PDPR: variants seen among roughly 807,000 people sequenced by gnomAD.
PDPR encodes the protein pyruvate dehydrogenase phosphatase regulatory subunit, mitochondrial.
PDPR carries 50 observed loss-of-function variants against 102.2 expected under a neutral mutation model. The ratio of observed to expected loss-of-function variants is 0.49; its 90% confidence interval spans 0.39 to 0.62. The LOEUF is 0.62. Among genes scored for constraint, PDPR ranks in the 20% least tolerant of loss-of-function variants. PDPR has a pLI of 0.00. For missense variants in PDPR, 625 were observed against 1,098.2 expected, an observed-to-expected ratio of 0.57 and a Z score of 6.09; for synonymous variants, 259 against 406.0, an observed-to-expected ratio of 0.64 and a Z score of 4.35.
intron 14 of PDPR, 129 bp from the exon 15 acceptor site, chr16:70,144,292 C>G (rs1328730381): frequency 5.3e-6 from 2 of 379,836 alleles, no homozygotes; most frequent in African/African-American, 4.5e-5. Flanking sequence ...GTGCTACTGG[C>G]CTTCTGTGAA....
At chr16:70,121,689 C>G (rs1166332735) in intron 3 of PDPR, among the ~76,000 whole-genome samples, 2 of 141,202 alleles carry the variant, frequency 1.4e-5, no homozygotes, top group Non-Finnish European at 3.1e-5. Context: ...GAGACTGTCT[C>G]AAAAAAAAAA....
At chr16:70,123,605 G>T (rs1963587908) in intron 3 of PDPR, among the ~76,000 whole-genome samples, 1 of 152,248 alleles carries the variant, frequency 6.6e-6, no homozygotes, top group African/African-American at 2.4e-5. Context: ...TTAATTATCA[G>T]GTATTTCCAC....
intron 4 of PDPR, among the ~76,000 whole-genome samples, chr16:70,128,303 C>CT (rs553349623): frequency 3.7e-3 from 556 of 152,068 alleles, no homozygotes; most frequent in Non-Finnish European, 7.3e-4. Context: ...TTTTGACCCA[C>CT]TGCAACCTCC....
intron 3 of PDPR, among the ~76,000 whole-genome samples, chr16:70,121,047 C>T (rs1368100142): frequency 2.0e-5 from 3 of 149,926 alleles, no homozygotes; most frequent in Admixed American, 6.7e-5. Context: ...ACCTTGGCCT[C>T]CCAAAGTGCT....
At chr16:70,125,552 CAA>C (rs1164711741) in intron 3 of PDPR, among the ~76,000 whole-genome samples, 147 of 106,786 alleles carry the variant, frequency 1.4e-3, no homozygotes, top group Middle Eastern at 5.0e-3. Context: ...AACTGCGTCT[CAA>C]AAAAAAAAAA....
Position 70,120,668 on chromosome 16 carries a change from A to C in PDPR, c.176A>C (p.Tyr59Ser). 2 of 1,613,854 alleles carry C rather than the reference A, an allele frequency of 1.2e-6. No individual in the cohort carries two copies. Among genetic ancestry groups the C allele is most frequent in the Non-Finnish European group, 1.7e-6 (2 of 1,179,768 alleles). Residue 59 changes from tyrosine (Y) to serine (S), a missense_variant, in exon 3 of 19, where the codon TAT becomes TCT. Physicochemically the swap from Tyr to Ser is moderately radical, Grantham distance 144. Around this residue, in one of 11 missense-constraint regions of PDPR, gnomAD observed 84 missense variants for 87.7 expected, o/e 0.96. Transcript: ENST00000288050. ...GGGITGTSVA[Y>S]HLSKMGWKDI... ...GGAATCACGGGCACTTCTGTGGCCT[A>C]TCACCTCTCCAAAATGGGGTGGAAG...
intron 2 of PDPR, among the ~76,000 whole-genome samples, chr16:70,119,307 A>G (rs933232616): frequency 6.6e-6 from 1 of 152,130 alleles, no homozygotes; most frequent in Non-Finnish European, 1.5e-5. Flanking sequence ...CCATGGAGCC[A>G]GACTGACCTT....
At chr16:70,153,842 C>T (rs58651348) in intron 18 of PDPR, among the ~76,000 whole-genome samples, 3,465 of 149,054 alleles carry the variant, frequency 0.023, no homozygotes, top group Middle Eastern at 0.038. Context: ...GTCAGGAGTT[C>T]GAGACCAGCC....
chr16:70,135,103 C>G (rs1964982034), intron 9 of PDPR, among the ~76,000 whole-genome samples: 1 of 152,356 alleles, frequency 6.6e-6, no homozygotes, highest in South Asian at 2.1e-4. Flanking sequence ...GATGAGCCCC[C>G]ATGTACCCAT....
intron 3 of PDPR, among the ~76,000 whole-genome samples, chr16:70,124,111 C>G (rs1409855807): frequency 5.3e-5 from 8 of 152,118 alleles, no homozygotes; most frequent in African/African-American, 1.9e-4. Flanking sequence ...GCCTGTTATC[C>G]CACGACTTTG....
At chr16:70,138,331 T>G (rs2152095666) in intron 10 of PDPR, among the ~76,000 whole-genome samples, 1 of 150,670 alleles carries the variant, frequency 6.6e-6, no homozygotes, top group East Asian at 2.0e-4. Flanking sequence ...CAATTCTCCT[T>G]CCTCAGCCTC....
At chr16:70,120,349 C>T (rs1963111633) in intron 2 of PDPR, 112 bp from the exon 3 acceptor site, 2 of 667,678 alleles carry the variant, frequency 3.0e-6, no homozygotes, top group Non-Finnish European at 5.3e-6. Context: ...CATGCCCAGC[C>T]ACCCTCAAAT....
Position 70,162,067 on chromosome 16 carries a change from A to G in PDPR, c.*5188A>G, listed in dbSNP as rs1210585200. ...ATGTCAGATGGTGGGTGCAGATTGG[A>G]AGAAAGAGAAAAGTTCATCTCGGTG... On this transcript the variant is annotated 3_prime_UTR_variant, in exon 19 of 19. Coordinates refer to ENST00000288050, the MANE Select transcript of PDPR (RefSeq NM_017990.5). 1 of 152,424 alleles carries G rather than the reference A, an allele frequency of 6.6e-6. No individual in the cohort carries two copies. The highest frequency in any genetic ancestry group is 1.5e-5 in the Non-Finnish European group (1 of 68,158). The allele number at this position is 152,424 out of a possible 1,614,324, so 9.4% of individuals were successfully genotyped here. A position where few individuals can be genotyped will look rare whatever the true frequency, so the allele number is the denominator to read the frequency against.
At chr16:70,153,124 CT>C (rs1268479885) in intron 17 of PDPR, among the ~76,000 whole-genome samples, 2 of 152,404 alleles carry the variant, frequency 1.3e-5, no homozygotes, top group African/African-American at 4.8e-5. Context: ...TTAAGAATTG[CT>C]GTAAGCTAGA....
chr16:70,162,032 A>C lies in PDPR; in HGVS notation c.*5153A>C. 1 of 152,540 alleles carries C rather than the reference A, an allele frequency of 6.6e-6. No homozygotes were observed. The highest frequency in any genetic ancestry group is 2.4e-5 in the African/African-American group (1 of 41,590). 9.4% of individuals were successfully genotyped at this position (152,540 alleles called of 1,614,324 possible). A position where few individuals can be genotyped will look rare whatever the true frequency, so the allele number is the denominator to read the frequency against. On this transcript the variant is annotated 3_prime_UTR_variant, in exon 19 of 19. Coordinates refer to ENST00000288050, the MANE Select transcript of PDPR (RefSeq NM_017990.5). ...TCTCTAAGCCAGGTTCTAGTGCCTT[A>C]CACTCCAGAATGTCAGATGGTGGGT... is the stretch of plus-strand genomic sequence containing the variant.
Position 70,156,998 on chromosome 16 carries a change from T to C in PDPR, c.*119T>C, listed in dbSNP as rs1247541599. On this transcript the variant is annotated 3_prime_UTR_variant, in exon 19 of 19. Transcript: ENST00000288050. ...TGGAGCCTTTGCCTCCCATCTCTTA[T>C]CTCCTTGATATAATTTTGAACTTGA... 2.9e-6 allele frequency: 4 copies of C among 1,395,854 alleles called. No homozygotes were observed. The highest frequency in any genetic ancestry group is 1.3e-5 in the South Asian group (1 of 79,380). 86.5% of individuals were successfully genotyped at this position (1,395,854 alleles called of 1,614,324 possible).
At chr16:70,134,785 C>CA (rs373669213) in intron 9 of PDPR, among the ~76,000 whole-genome samples, 30,259 of 128,178 alleles carry the variant, frequency 0.24, 1,643 homozygotes, top group East Asian at 0.35. Context: ...GACTCCATCT[C>CA]AAAAAAAAAA....
intron 7 of PDPR, 93 bp from the exon 8 acceptor site, chr16:70,131,209 A>G: frequency 1.3e-6 from 1 of 770,520 alleles, no homozygotes; most frequent in South Asian, 1.5e-5. Context: ...AAGAGCACAC[A>G]TAAGCCACTT....
At chr16:70,128,140 T>TC in intron 4 of PDPR, among the ~76,000 whole-genome samples, 1 of 152,224 alleles carries the variant, frequency 6.6e-6, no homozygotes, top group East Asian at 1.9e-4. Flanking sequence ...GGGATTACAC[T>TC]CCCCCAAGAC....
Sources: allele counts gnomAD v4.1 joint callset (sites outside exome capture counted in the v4.1 genomes callset), GRCh38; gene constraint gnomAD v4.1.1; regional missense constraint gnomAD v4.1.1; transcripts MANE v1.5; gene names NCBI Gene and HGNC (gene_info 2026-07-23, HGNC 2026-07-21).